Variants in CEP70 observed in about 807,000 individuals in gnomAD.
CEP70 encodes the protein centrosomal protein of 70 kDa.
In CEP70, 70 loss-of-function variants were observed where a neutral mutation model predicts 90.9. That is an observed-to-expected ratio of 0.77 (90% CI 0.64 to 0.94). The LOEUF is 0.94. Among genes scored for constraint, CEP70 ranks in the 40% least tolerant of loss-of-function variants. The pLI, the probability that CEP70 is intolerant of heterozygous loss-of-function variation, is 0.00. For synonymous variants in CEP70, 220 were observed against 228.3 expected (o/e 0.96, Z 0.33); for missense variants, 648 against 669.0 (o/e 0.97, Z 0.35).
chr3:138,497,477 C>A, intron 17 of CEP70: 1 of 1,104,172 alleles, frequency 9.1e-7, no homozygotes, highest in Non-Finnish European at 1.1e-6. Context: ...GATAAGGTCT[C>A]TATTTTGCCT....
chr3:138,499,783 TACAC>T (rs56826450), intron 16 of CEP70: 19 of 192,980 alleles, frequency 9.8e-5, no homozygotes, highest in South Asian at 3.2e-4. Context: ...TCTCTCTCTC[TACAC>T]ACACACACAC....
chr3:138,583,779 T>C (rs1166832763), intron 2 of CEP70, among the ~76,000 whole-genome samples: 1 of 151,984 alleles, frequency 6.6e-6, no homozygotes, highest in African/African-American at 2.4e-5. Flanking sequence ...AAACAGAACA[T>C]ACCAAAACCT....
At position 138,517,708 on chromosome 3, in the gene CEP70, C is replaced by G. The variant is rs142805898; in HGVS notation, c.944+7782G>C. Among the ~76,000 whole-genome samples the G allele has an allele frequency of 1.4e-3, 207 of 152,186 alleles. 2 individuals are homozygous for G. Among genetic ancestry groups the G allele is most frequent in the African/African-American group, 4.8e-3 (200 of 41,540 alleles). ...TAATAAAAATAAATAGGGGTGGAGC[C>G]AAGATGGCCAAATAGGAACAGCTCC... is the stretch of plus-strand genomic sequence containing the variant. On this transcript the variant is annotated intron_variant, in intron 11 of 17. Coordinates refer to ENST00000264982, the MANE Select transcript of CEP70 (RefSeq NM_024491.4).
Position 138,571,361 on chromosome 3 carries a change from A to T in CEP70, c.70-5T>A, listed in dbSNP as rs2041162452. 1 of 1,579,022 alleles carries T rather than the reference A, an allele frequency of 6.3e-7. No homozygotes were observed. The highest frequency in any genetic ancestry group is 8.7e-7 in the Non-Finnish European group (1 of 1,151,182). On this transcript the variant is annotated splice_region_variant and splice_polypyrimidine_tract_variant and intron_variant, in intron 3 of 17. Transcript: ENST00000264982. Reference sequence around the variant, plus strand: ...TTCCCATTCTGCTTCTTCCTGCTACAATTACAGAAAGAGAAGAAAGGGTTA... The same window carrying T: ...TTCCCATTCTGCTTCTTCCTGCTACTATTACAGAAAGAGAAGAAAGGGTTA...
intron 6 of CEP70, among the ~76,000 whole-genome samples, chr3:138,547,830 G>A (rs1397197627): frequency 6.6e-6 from 1 of 152,192 alleles, no homozygotes; most frequent in Non-Finnish European, 1.5e-5. Context: ...ACAAGATTGT[G>A]TGAGATTTCA....
At chr3:138,535,863 A>G (rs2038219996) in intron 7 of CEP70, among the ~76,000 whole-genome samples, 1 of 149,706 alleles carries the variant, frequency 6.7e-6, no homozygotes, top group Non-Finnish European at 1.5e-5. Flanking sequence ...TACCTCTCCT[A>G]TTTTTCTTAC....
At chr3:138,559,990 T>C (rs970305162) in intron 6 of CEP70, among the ~76,000 whole-genome samples, 11 of 152,172 alleles carry the variant, frequency 7.2e-5, no homozygotes, top group African/African-American at 1.7e-4. Context: ...TTCTCATACA[T>C]TGGTCAGAAT....
chr3:138,508,810 T>G (rs2035243839), intron 11 of CEP70, among the ~76,000 whole-genome samples: 1 of 151,856 alleles, frequency 6.6e-6, no homozygotes, highest in African/African-American at 2.4e-5. Flanking sequence ...CTCGGCTCAC[T>G]GCAAGCTCCG....
At chr3:138,572,771 C>G in intron 3 of CEP70, 88 bp downstream of exon 3, 1 of 880,694 alleles carries the variant, frequency 1.1e-6, no homozygotes, top group Non-Finnish European at 1.9e-6. Flanking sequence ...AGAAAGAATC[C>G]TTTTAAAGTC....
chr3:138,532,605 CGGTAT>C (rs10549552), intron 7 of CEP70, 35 bp from the exon 8 acceptor site: 571,768 of 1,404,340 alleles, frequency 0.41, 122,065 homozygotes, highest in Middle Eastern at 0.44. Context: ...TTTCAAAATG[CGGTAT>C]GGTATTACAG....
At chr3:138,558,001 C>A (rs1560407367) in intron 6 of CEP70, among the ~76,000 whole-genome samples, 1 of 151,934 alleles carries the variant, frequency 6.6e-6, no homozygotes, top group African/African-American at 2.4e-5. Flanking sequence ...AAAAGATGAT[C>A]AAAAAATTTT....
At chr3:138,574,848 AGCT>A (rs1197512051) in intron 2 of CEP70, among the ~76,000 whole-genome samples, 6 of 152,238 alleles carry the variant, frequency 3.9e-5, no homozygotes, top group Admixed American at 3.9e-4. Context: ...ACAGACCTGC[AGCT>A]GAGGGACCTA....
intron 13 of CEP70, 109 bp from the exon 14 acceptor site, chr3:138,500,990 A>G (rs2034460372): frequency 2.6e-6 from 1 of 385,390 alleles, no homozygotes; most frequent in Non-Finnish European, 4.2e-6. Flanking sequence ...TATGTTTTAT[A>G]AAATTAATAA....
At chr3:138,521,536 G>A (rs1457043071) in intron 11 of CEP70, among the ~76,000 whole-genome samples, 40 of 143,984 alleles carry the variant, frequency 2.8e-4, no homozygotes, top group African/African-American at 6.0e-4. Context: ...ATGCCCGGCC[G>A]CCCCATCTGG....
chr3:138,525,452 C>A, intron 11 of CEP70, 38 bp downstream of exon 11: 1 of 769,320 alleles, frequency 1.3e-6, no homozygotes, highest in Non-Finnish European at 2.0e-6. Context: ...AATAAAAAAT[C>A]CTAATAAAAG....
intron 6 of CEP70, among the ~76,000 whole-genome samples, chr3:138,557,753 T>C (rs1256330171): frequency 6.6e-6 from 1 of 152,054 alleles, no homozygotes; most frequent in Non-Finnish European, 1.5e-5. Flanking sequence ...ACCACTAAAG[T>C]AATTATAAAT....
At chr3:138,552,524 CT>C (rs2039696966) in intron 6 of CEP70, among the ~76,000 whole-genome samples, 2 of 152,088 alleles carry the variant, frequency 1.3e-5, no homozygotes, top group Admixed American at 1.3e-4. Flanking sequence ...CAAAAGGTAC[CT>C]TCAAAGCCAT....
chr3:138,560,704 T>G (rs904544285), intron 6 of CEP70, among the ~76,000 whole-genome samples: 1 of 152,116 alleles, frequency 6.6e-6, no homozygotes, highest in Non-Finnish European at 1.5e-5. Flanking sequence ...CGTCCACCAC[T>G]GCTGAGGCTT....
At chr3:138,585,737 A>T (rs193171860) in intron 2 of CEP70, among the ~76,000 whole-genome samples, 1 of 152,194 alleles carries the variant, frequency 6.6e-6, no homozygotes, top group African/African-American at 2.4e-5. Flanking sequence ...ACAAATCCAC[A>T]TACTGACAGT....
Sources: allele counts gnomAD v4.1 joint callset (sites outside exome capture counted in the v4.1 genomes callset), GRCh38; gene constraint gnomAD v4.1.1; transcripts MANE v1.5; gene names NCBI Gene and HGNC (gene_info 2026-07-23, HGNC 2026-07-21).